CORO7: variants seen among roughly 807,000 people sequenced by gnomAD.
The protein encoded by CORO7 is coronin-7.
CORO7 carries 107 observed loss-of-function variants against 126.6 expected under a neutral mutation model. That is an observed-to-expected ratio of 0.85 (90% CI 0.72 to 0.99). CORO7 has a LOEUF of 0.99. CORO7 is among the 50% of genes least tolerant of loss of function. The pLI is 0.00. For synonymous variants in CORO7, 603 were observed against 536.8 expected, an observed-to-expected ratio of 1.12 and a Z score of -1.70; for missense variants, 1,314 against 1,255.8, an observed-to-expected ratio of 1.05 and a Z score of -0.70.
intron 1 of CORO7, among the ~76,000 whole-genome samples, chr16:4,416,245 C>T (rs1440025220): frequency 6.6e-6 from 1 of 152,152 alleles, no homozygotes; most frequent in African/African-American, 2.4e-5. Context: ...GGTCACCGAG[C>T]GCCAGAGCGA....
Position 4,359,538 on chromosome 16 carries a change from G to A in CORO7, c.2192C>T (p.Pro731Leu). 3 of 1,613,392 alleles carry A rather than the reference G, an allele frequency of 1.9e-6. No homozygotes were observed. Among genetic ancestry groups the A allele is most frequent in the Non-Finnish European group, 2.5e-6 (3 of 1,179,934 alleles). ...PLAVLGLDVA[P>L]STLLPSYDPD... ...GTCGTAGCTGGGCAGCAGGGTTGAG[G>A]GAGCCACGTCCAGGCCCAACACTGC... is the stretch of plus-strand genomic sequence containing the variant. The change falls in exon 22 of 28, where the codon CCC (proline) becomes CTC (leucine). Residue 731 changes from proline (P) to leucine (L), a missense_variant. Pro to Leu is a moderately conservative substitution (Grantham distance 98). Transcript: ENST00000251166.
chr16:4,357,562 G>C, intron 25 of CORO7: 5 of 342,896 alleles, frequency 1.5e-5, no homozygotes, highest in Admixed American at 9.2e-5. Context: ...CACCATGTTG[G>C]CCAGGCTGGT....
chr16:4,361,665 A>AG (rs1380639104), intron 16 of CORO7, 196 bp from the exon 17 acceptor site: 17 of 803,818 alleles, frequency 2.1e-5, no homozygotes, highest in Non-Finnish European at 3.5e-5. Flanking sequence ...CCAGAGAGTG[A>AG]GGGGGCAGCA....
chr16:4,400,677 G>T (rs1052456731), intron 6 of CORO7, among the ~76,000 whole-genome samples: 1 of 151,614 alleles, frequency 6.6e-6, no homozygotes, highest in African/African-American at 2.4e-5. Context: ...AAAAGTAGCC[G>T]GGTGTGGTGG....
chr16:4,376,548 G>T (rs2054738670), intron 9 of CORO7, among the ~76,000 whole-genome samples: 1 of 152,152 alleles, frequency 6.6e-6, no homozygotes, highest in Non-Finnish European at 1.5e-5. Context: ...GCCTGCCCCA[G>T]AATCAGTGAG....
At chr16:4,376,073 C>G (rs2054717178) in intron 9 of CORO7, among the ~76,000 whole-genome samples, 1 of 152,184 alleles carries the variant, frequency 6.6e-6, no homozygotes, top group Middle Eastern at 3.2e-3. Context: ...GCTCAATCAC[C>G]AGCCAGGGGT....
At chr16:4,406,201 T>A (rs995912517) in intron 5 of CORO7, among the ~76,000 whole-genome samples, 1 of 152,172 alleles carries the variant, frequency 6.6e-6, no homozygotes, top group Non-Finnish European at 1.5e-5. Context: ...AATTTCACCA[T>A]GTTGGCCAGG....
chr16:4,357,053 G>T, intron 26 of CORO7, 115 bp downstream of exon 26: 1 of 1,341,374 alleles, frequency 7.5e-7, no homozygotes, highest in East Asian at 2.5e-5. Flanking sequence ...GTGTGAAGGG[G>T]ACGTGACATG....
chr16:4,366,373 C>A (rs1229535533), intron 9 of CORO7, among the ~76,000 whole-genome samples: 1 of 152,090 alleles, frequency 6.6e-6, no homozygotes, highest in Non-Finnish European at 1.5e-5. Flanking sequence ...GGGCTTTATG[C>A]CTCCCTCCCG....
chr16:4,388,648 G>A lies in CORO7; in HGVS notation c.616-17C>T, dbSNP rs2055280131. The A allele has an allele frequency of 6.2e-7, 1 of 1,605,596 alleles. No individual in the cohort carries two copies. The highest frequency in any genetic ancestry group is 8.5e-7 in the Non-Finnish European group (1 of 1,177,372). On this transcript the variant is annotated splice_polypyrimidine_tract_variant and intron_variant, in intron 7 of 27. Transcript: ENST00000251166. ...CTGCGTGCTCTGCAGGAGGCAAGAG[G>A]TGGACCTGAGCCCCCAGGGCCCTGC...
chr16:4,388,405 C>T (rs1490466839), intron 8 of CORO7, 140 bp downstream of exon 8: 25 of 949,450 alleles, frequency 2.6e-5, no homozygotes, highest in South Asian at 1.8e-4. Context: ...CTCTGAGACC[C>T]GGCAGCACAG....
chr16:4,368,996 T>C lies in CORO7; in HGVS notation c.786-3451A>G, dbSNP rs367968888. On this transcript the variant is annotated intron_variant, in intron 9 of 27. Coordinates refer to ENST00000251166, the MANE Select transcript of CORO7 (RefSeq NM_024535.5). Reference sequence around the variant, plus strand: ...GGTGGGAAACAGGCCTGGGGCCACCTCATGGCATCAGAGGCTCACCTGTGC... The same window carrying C: ...GGTGGGAAACAGGCCTGGGGCCACCCCATGGCATCAGAGGCTCACCTGTGC... 8.4e-4 allele frequency among the ~76,000 whole-genome samples: 128 copies of C among 152,232 alleles called. 1 individual carries two copies. The highest frequency in any genetic ancestry group is 2.9e-3 in the African/African-American group (121 of 41,542).
chr16:4,365,304 T>G (rs964582196), intron 10 of CORO7, among the ~76,000 whole-genome samples, 187 bp downstream of exon 10: 1 of 152,190 alleles, frequency 6.6e-6, no homozygotes, highest in African/African-American at 2.4e-5. Context: ...GTGCTGACTG[T>G]GTGCTGACAC....
intron 9 of CORO7, chr16:4,381,710 C>T: frequency 1.2e-6 from 2 of 1,607,532 alleles, no homozygotes; most frequent in Non-Finnish European, 8.5e-7. Context: ...AGCCTGCAGG[C>T]CCTGCCTGGC....
intron 1 of CORO7, among the ~76,000 whole-genome samples, chr16:4,414,871 T>TC (rs1168432745): frequency 6.6e-6 from 1 of 152,176 alleles, no homozygotes; most frequent in Admixed American, 6.5e-5. Context: ...TTTGTTTTTT[T>TC]CTTTTTTTGA....
chr16:4,395,482 C>CACA, intron 6 of CORO7, 143 bp from the exon 7 acceptor site: 1 of 1,018,696 alleles, frequency 9.8e-7, no homozygotes, highest in South Asian at 1.5e-5. Flanking sequence ...CCAGGGCATC[C>CACA]CTCCTCAGCC....
chr16:4,390,105 T>C (rs1439875563), intron 7 of CORO7, among the ~76,000 whole-genome samples: 1 of 152,148 alleles, frequency 6.6e-6, no homozygotes, highest in Non-Finnish European at 1.5e-5. Context: ...GAGGTAGATG[T>C]AGGCCAAAGA....
intron 6 of CORO7, among the ~76,000 whole-genome samples, chr16:4,402,478 C>A (rs529816767): frequency 6.6e-6 from 1 of 152,208 alleles, no homozygotes; most frequent in African/African-American, 2.4e-5. Flanking sequence ...AACTCCTGGG[C>A]TCAAGTGATC....
At chr16:4,394,036 GT>G (rs1283206727) in intron 7 of CORO7, among the ~76,000 whole-genome samples, 11 of 151,754 alleles carry the variant, frequency 7.2e-5, no homozygotes, top group Non-Finnish European at 1.5e-5. Context: ...AGGAGGCGGA[GT>G]TTCCAGCGAG....
Sources: gnomAD v4.1 joint callset for allele counts (sites outside exome capture counted in the v4.1 genomes callset) on GRCh38, gnomAD v4.1.1 for gene constraint, MANE v1.5 for transcripts, NCBI Gene and HGNC (gene_info 2026-07-23, HGNC 2026-07-21) for gene names.